Variants in TRIP4 observed in about 807,000 individuals in gnomAD.
TRIP4 encodes the protein thyroid hormone receptor interactor 4, also known as activating signal cointegrator 1.
In TRIP4, 54 loss-of-function variants were observed where a neutral mutation model predicts 81.8. The ratio of observed to expected loss-of-function variants is 0.66; its 90% CI spans 0.53 to 0.83. TRIP4 has a LOEUF of 0.83. Ranked by LOEUF, TRIP4 falls within the 40% of genes least tolerant of loss-of-function variation. TRIP4 has a pLI of 0.00. For synonymous variants in TRIP4, 270 were observed against 242.8 expected (o/e 1.11, Z -1.04); for missense variants, 662 against 683.6 (o/e 0.97, Z 0.35).
intron 3 of TRIP4, among the ~76,000 whole-genome samples, 174 bp from the exon 4 acceptor site, chr15:64,397,432 A>G (rs1900326150): frequency 6.6e-6 from 1 of 152,146 alleles, no homozygotes; most frequent in South Asian, 2.1e-4. Context: ...CTAGAGTATA[A>G]CCTTTCCTCA....
rs181065080 is a variant in TRIP4 at position 64,399,018 on chromosome 15, C to T, written c.618+1200C>T. The stretch of plus-strand genomic sequence containing the variant: ...AGGCTGGAGAGCAGTGGCACAATCT[C>T]GGCTCACTGCAACCTCTGCCTCCTG... On this transcript the variant is annotated intron_variant, in intron 4 of 12. Coordinates refer to ENST00000261884, the MANE Select transcript of TRIP4 (RefSeq NM_016213.5). Among the ~76,000 whole-genome samples the T allele has an allele frequency of 2.7e-3, 365 of 136,228 alleles. 2 individuals carry two copies. The highest frequency in any genetic ancestry group is 0.019 in the Middle Eastern group (5 of 260). 89.4% of individuals were successfully genotyped at this position (136,228 alleles called of 152,430 possible). A position where few individuals can be genotyped will look rare whatever the true frequency, so the allele number is the denominator to read the frequency against.
chr15:64,426,030 C>A (rs181528325), intron 11 of TRIP4, among the ~76,000 whole-genome samples: 1 of 152,124 alleles, frequency 6.6e-6, no homozygotes, highest in African/African-American at 2.4e-5. Flanking sequence ...TTGCATTGAG[C>A]TGAGGTCCTG....
At chr15:64,448,340 T>C (rs1892679766) in intron 12 of TRIP4, among the ~76,000 whole-genome samples, 1 of 152,202 alleles carries the variant, frequency 6.6e-6, no homozygotes, top group Admixed American at 6.5e-5. Context: ...TCCATAAGGT[T>C]TCATGATGGT....
intron 11 of TRIP4, among the ~76,000 whole-genome samples, chr15:64,426,471 G>A (rs1280257001): frequency 2.0e-5 from 3 of 152,148 alleles, no homozygotes; most frequent in Admixed American, 6.5e-5. Flanking sequence ...AAGCCAAAGC[G>A]GGTGGATCAC....
rs1223726422 is a variant in TRIP4 at position 64,431,831 on chromosome 15, T to TTATATATA, written c.1575+6210_1575+6217dup. On this transcript the variant is annotated intron_variant, in intron 11 of 12. Coordinates refer to ENST00000261884, the MANE Select transcript of TRIP4 (RefSeq NM_016213.5). The stretch of plus-strand genomic sequence containing the variant: ...TAAATGGTTTCAGAAACCATTTATA[T>TTATATATA]TATATATATATATATATTTTTTTTA... Among the ~76,000 whole-genome samples the TTATATATA allele has an allele frequency of 3.6e-3, 154 of 42,432 alleles. 2 individuals are homozygous for TTATATATA. The highest frequency in any genetic ancestry group is 9.7e-3 in the Non-Finnish European group (119 of 12,262). The allele number at this position is 42,432 out of a possible 152,430, so 27.8% of individuals were successfully genotyped here.
chr15:64,406,612 GT>G (rs1891628681), intron 6 of TRIP4, among the ~76,000 whole-genome samples, 153 bp downstream of exon 6: 1 of 152,182 alleles, frequency 6.6e-6, no homozygotes, highest in Non-Finnish European at 1.5e-5. Flanking sequence ...CCTACATCTT[GT>G]TTTTTAATCC....
intron 1 of TRIP4, among the ~76,000 whole-genome samples, chr15:64,391,529 C>T (rs368290744): frequency 3.3e-5 from 5 of 152,070 alleles, no homozygotes; most frequent in Non-Finnish European, 5.9e-5. Flanking sequence ...AACTTTGGTC[C>T]ACAATCTGGA....
At chr15:64,403,385 T>C (rs1891556653) in intron 5 of TRIP4, among the ~76,000 whole-genome samples, 1 of 151,834 alleles carries the variant, frequency 6.6e-6, no homozygotes, top group Non-Finnish European at 1.5e-5. Context: ...GGTCTTGATC[T>C]CTTGACCTCG....
rs1206132747 is a variant in TRIP4 at position 64,387,871 on chromosome 15, T to G, written c.8T>G (p.Val3Gly). ...TGGTTCCGGCTGGGGAAGATGGCGG[T>G]GGCTGGGGCGGTGTCCGGGGAGCCG... MAVAGAVSGEPLV... is the reference protein window; with the variant it reads MAGAGAVSGEPLV... Residue 3 changes from valine to glycine, a missense_variant, in exon 1 of 13, where the codon GTG becomes GGG. Val to Gly is a moderately radical substitution (Grantham distance 109). Transcript: ENST00000261884. 6.5e-7 allele frequency: 1 copy of G among 1,546,234 alleles called. No homozygotes were observed. Among genetic ancestry groups the G allele is most frequent in the Non-Finnish European group, 8.7e-7 (1 of 1,146,618 alleles).
Position 64,431,877 on chromosome 15 carries a change from C to CTT in TRIP4, c.1575+6269_1575+6270dup, listed in dbSNP as rs1199638489. Reference sequence around the variant, plus strand: ...TTTTATCCAAAGAGCATTGTGTTTTCTTTTTTTTTTTTTTTTTTTTTTTTG... The same window carrying CTT: ...TTTTATCCAAAGAGCATTGTGTTTTCTTTTTTTTTTTTTTTTTTTTTTTTTTG... On this transcript the variant is annotated intron_variant, in intron 11 of 12. Coordinates refer to ENST00000261884, the MANE Select transcript of TRIP4 (RefSeq NM_016213.5). Among the ~76,000 whole-genome samples, 244 of 52,500 alleles carry CTT rather than the reference C, an allele frequency of 4.6e-3. 1 individual carries two copies. The highest frequency in any genetic ancestry group is 8.3e-3 in the South Asian group (9 of 1,086). 34.4% of individuals were successfully genotyped at this position (52,500 alleles called of 152,430 possible). A position where few individuals can be genotyped will look rare whatever the true frequency, so the allele number is the denominator to read the frequency against.
At chr15:64,402,669 G>T (rs1210112983) in intron 5 of TRIP4, among the ~76,000 whole-genome samples, 1 of 151,602 alleles carries the variant, frequency 6.6e-6, no homozygotes, top group Admixed American at 6.6e-5. Flanking sequence ...GATTACAAGC[G>T]CATGCCACCT....
chr15:64,397,457 A>T, intron 3 of TRIP4, 149 bp from the exon 4 acceptor site: 1 of 751,766 alleles, frequency 1.3e-6, no homozygotes, highest in Non-Finnish European at 2.1e-6. Flanking sequence ...CTTGATTATA[A>T]CTAATTTGTA....
At chr15:64,407,599 G>A (rs977236006) in intron 6 of TRIP4, among the ~76,000 whole-genome samples, 20 of 152,036 alleles carry the variant, frequency 1.3e-4, no homozygotes, top group African/African-American at 4.6e-4. Flanking sequence ...CCCAGGAGGC[G>A]GAGCTTGCAG....
At chr15:64,395,303 T>C in intron 2 of TRIP4, 95 bp from the exon 3 acceptor site, 1 of 1,041,186 alleles carries the variant, frequency 9.6e-7, no homozygotes, top group East Asian at 2.8e-5. Flanking sequence ...ACTCTAAATA[T>C]TAAGCATCAC....
intron 5 of TRIP4, 68 bp downstream of exon 5, chr15:64,400,889 C>T (rs954053331): frequency 7.6e-7 from 1 of 1,317,500 alleles, no homozygotes; most frequent in Non-Finnish European, 1.1e-6. Flanking sequence ...GGTTGTTTCT[C>T]TTTTCTGTAT....
Position 64,392,212 on chromosome 15 carries a change from C to G in TRIP4, c.102-1734C>G, listed in dbSNP as rs748785171. On this transcript the variant is annotated intron_variant, in intron 1 of 12. Coordinates refer to ENST00000261884, the MANE Select transcript of TRIP4 (RefSeq NM_016213.5). ...ACTCAGGAGGCTGAGGTAGGAGAAT[C>G]GCTTGAACCTGGGAGATGGAGTTTG... Among the ~76,000 whole-genome samples the G allele has an allele frequency of 3.3e-5, 5 of 151,094 alleles. No homozygotes were observed. The South Asian group carries it at 1.0e-3, about 32-fold the overall frequency.
intron 11 of TRIP4, among the ~76,000 whole-genome samples, chr15:64,435,299 A>T (rs1367011094): frequency 6.6e-6 from 1 of 151,060 alleles, no homozygotes; most frequent in East Asian, 1.9e-4. Flanking sequence ...TGGCGGGCAG[A>T]TCACGAGGTC....
intron 8 of TRIP4, among the ~76,000 whole-genome samples, chr15:64,415,267 A>G (rs929417799): frequency 6.6e-6 from 1 of 152,194 alleles, no homozygotes; most frequent in Non-Finnish European, 1.5e-5. Flanking sequence ...GGCAGAAGGT[A>G]CAACACATAC....
intron 1 of TRIP4, 160 bp from the exon 2 acceptor site, chr15:64,393,786 A>G (rs1900204116): frequency 3.7e-6 from 2 of 546,330 alleles, no homozygotes; most frequent in South Asian, 6.1e-5. Context: ...CATACCAGTT[A>G]GGATCGTATC....
Sources: gnomAD v4.1 joint callset for allele counts (sites outside exome capture counted in the v4.1 genomes callset) on GRCh38, gnomAD v4.1.1 for gene constraint, MANE v1.5 for transcripts, NCBI Gene and HGNC (gene_info 2026-07-23, HGNC 2026-07-21) for gene names.